The following RUFY4 variants were observed in gnomAD, a reference collection of about 807,000 sequenced individuals.
The protein encoded by RUFY4 is RUN and FYVE domain-containing protein 4.
RUFY4 carries 73 observed loss-of-function variants against 69.0 expected under a neutral mutation model. That is an observed-to-expected ratio of 1.06 (90% CI 0.88 to 1.29). RUFY4 has a LOEUF of 1.29. Among genes scored for constraint, RUFY4 ranks in the 50% most tolerant of loss-of-function variants. RUFY4 has a pLI of 0.00. For missense variants in RUFY4, 770 were observed against 705.6 expected (o/e 1.09, Z -1.03); for synonymous variants, 287 against 271.8 (o/e 1.06, Z -0.55).
exon 11 of RUFY4, chr2:218,090,438 C>G (rs941166465): frequency 4.3e-6 from 1 of 235,080 alleles, no homozygotes; most frequent in Non-Finnish European, 8.6e-6. Context: ...TTTCCTGATT[C>G]ACGAGAAGTG....
rs115701928 is a variant in RUFY4, at chr2:218,073,872, A to G, written c.587A>G (p.Asp196Gly). Residue 196 changes from aspartate (D) to glycine (G), a missense_variant, in exon 6 of 11, where the codon GAT (aspartate) becomes GGT (glycine). Coordinates refer to ENST00000344321, the Ensembl canonical transcript of RUFY4. Reference sequence around the variant, plus strand: ...GGAAGGAGACCCAGAAAAAACAAAGATGCCCCAAAGAAGGTGCCTCTGCCC... The same window carrying G: ...GGAAGGAGACCCAGAAAAAACAAAGGTGCCCCAAAGAAGGTGCCTCTGCCC... The G allele has an allele frequency of 3.7e-6, 6 of 1,613,744 alleles. No individual in the cohort carries two copies. In the African/African-American group the frequency reaches 5.3e-5, roughly 14 times the overall value.
In RUFY4 at chr2:218,052,692, T is replaced by A. The variant is rs116597954; in HGVS notation, c.-1157-5903T>A. ...AGGAGAGTTGCTTGAGTCTGGGAGT[T>A]CAAGACCAGCCTGGGCATCATAGCA... On this transcript the variant is annotated intron_variant and NMD_transcript_variant, in intron 2 of 13. Coordinates refer to the RUFY4 transcript ENST00000457754. Among the ~76,000 whole-genome samples, 516 of 151,576 alleles carry A rather than the reference T, an allele frequency of 3.4e-3. 3 individuals carry two copies. Among genetic ancestry groups the A allele is most frequent in the African/African-American group, 0.011 (470 of 41,336 alleles).
chr2:218,060,573 A>G, intron 3 of RUFY4: 3 of 1,321,646 alleles, frequency 2.3e-6, no homozygotes, highest in Non-Finnish European at 3.3e-6. Flanking sequence ...CACAGGTCTC[A>G]TTGGTCATCT....
At chr2:218,042,415 A>G (rs1688715178) in intron 2 of RUFY4, among the ~76,000 whole-genome samples, 1 of 152,234 alleles carries the variant, frequency 6.6e-6, no homozygotes, top group African/African-American at 2.4e-5. Context: ...AACTCAGGGT[A>G]TGTATCTATG....
At chr2:218,049,659 A>G (rs1471637202) in intron 2 of RUFY4, among the ~76,000 whole-genome samples, 1 of 152,040 alleles carries the variant, frequency 6.6e-6, no homozygotes, top group Non-Finnish European at 1.5e-5. Flanking sequence ...GGCATGCGCC[A>G]CCACAGCTGG....
intron 2 of RUFY4, among the ~76,000 whole-genome samples, chr2:218,036,673 A>G (rs920908257): frequency 2.6e-5 from 4 of 152,200 alleles, no homozygotes; most frequent in Non-Finnish European, 5.9e-5. Context: ...AATGCTGCCA[A>G]GTGAAAGGGG....
intron 2 of RUFY4, among the ~76,000 whole-genome samples, chr2:218,040,228 T>C (rs1175915696): frequency 6.6e-6 from 1 of 152,230 alleles, no homozygotes; most frequent in Non-Finnish European, 1.5e-5. Context: ...ATATGGACCC[T>C]GGCAGTCTCT....
exon 7 of RUFY4, chr2:218,075,344 T>C: frequency 1.2e-6 from 2 of 1,612,016 alleles, no homozygotes; most frequent in Non-Finnish European, 1.7e-6. Flanking sequence ...CCCCATGGAT[T>C]GAGATCTTCC....
intron 2 of RUFY4, among the ~76,000 whole-genome samples, chr2:218,052,199 C>T (rs1390598261): frequency 6.6e-6 from 1 of 152,074 alleles, no homozygotes; most frequent in Non-Finnish European, 1.5e-5. Flanking sequence ...GTAGCTTTTT[C>T]TTTTTTTATT....
chr2:218,082,738 T>C (rs1004950853), intron 8 of RUFY4, among the ~76,000 whole-genome samples: 4 of 151,844 alleles, frequency 2.6e-5, no homozygotes, highest in African/African-American at 9.7e-5. Context: ...TCTGTTTATG[T>C]GTGTGGTGTG....
At chr2:218,060,254 A>G (rs1689150501) in intron 3 of RUFY4, 1 of 1,297,272 alleles carries the variant, frequency 7.7e-7, no homozygotes, top group East Asian at 2.3e-5. Context: ...CACTGAGACC[A>G]AGAAGAGCTA....
At chr2:218,043,861 A>G (rs1688760291) in intron 2 of RUFY4, among the ~76,000 whole-genome samples, 1 of 152,206 alleles carries the variant, frequency 6.6e-6, no homozygotes, top group Non-Finnish European at 1.5e-5. Flanking sequence ...CCTGCAGGCC[A>G]GTGCTGATCT....
At chr2:218,085,470 G>C in intron 9 of RUFY4, among the ~76,000 whole-genome samples, 1 of 152,126 alleles carries the variant, frequency 6.6e-6, no homozygotes, top group East Asian at 1.9e-4. Flanking sequence ...GACTATAAAA[G>C]ACTAAAACTT....
At chr2:218,089,351 G>T in exon 10 of RUFY4, 2 of 1,613,796 alleles carry the variant, frequency 1.2e-6, no homozygotes, top group Non-Finnish European at 1.7e-6. Flanking sequence ...TTTCTCGGCG[G>T]TATCCATGCA....
rs78231757 is a variant in RUFY4 at position 218,061,467 on chromosome 2, A to G, written c.-1071+2786A>G. 1,079 of 185,820 alleles carry G rather than the reference A, an allele frequency of 5.8e-3. 11 individuals are homozygous for G. The highest frequency in any genetic ancestry group is 0.024 in the African/African-American group (1,002 of 42,364). 11.5% of individuals were successfully genotyped at this position (185,820 alleles called of 1,614,324 possible). A position where few individuals can be genotyped will look rare whatever the true frequency, so the allele number is the denominator to read the frequency against. ...GAAGAGAGAAGAGGATTATTGCACA[A>G]TAAACCTTACCCAGATTCTTGCCTA... On this transcript the variant is annotated intron_variant and NMD_transcript_variant, in intron 3 of 13. Transcript: ENST00000457754.
chr2:218,067,037 C>T (rs1689350750), upstream of RUFY4, among the ~76,000 whole-genome samples: 1 of 152,248 alleles, frequency 6.6e-6, no homozygotes, highest in Non-Finnish European at 1.5e-5. Context: ...AGACAAATGT[C>T]TGAAGCTGCC....
chr2:218,068,721 G>C (rs778943838), upstream of RUFY4: 1 of 152,484 alleles, frequency 6.6e-6, no homozygotes, highest in Non-Finnish European at 1.5e-5. Context: ...CCCATTGCTG[G>C]GCACAGGATC....
intron 2 of RUFY4, among the ~76,000 whole-genome samples, chr2:218,044,890 T>C (rs1283860037): frequency 6.6e-6 from 1 of 152,248 alleles, no homozygotes; most frequent in East Asian, 1.9e-4. Context: ...TGAATAGTGC[T>C]GCAATGAACA....
intron 2 of RUFY4, among the ~76,000 whole-genome samples, chr2:218,057,985 T>C (rs1689098156): frequency 6.6e-6 from 1 of 152,258 alleles, no homozygotes; most frequent in Non-Finnish European, 1.5e-5. Flanking sequence ...TACACATTTG[T>C]CCAACTAAGC....
Sources: gnomAD v4.1 joint callset for allele counts (sites outside exome capture counted in the v4.1 genomes callset) on GRCh38, gnomAD v4.1.1 for gene constraint, MANE v1.5 for transcripts, NCBI Gene and HGNC (gene_info 2026-07-23, HGNC 2026-07-21) for gene names.